Variants in MPRIP observed in about 807,000 individuals in gnomAD.
MPRIP encodes the protein myosin phosphatase Rho-interacting protein.
Under a neutral mutation model 234.9 loss-of-function variants are expected in MPRIP, and 59 were observed. The ratio of observed to expected loss-of-function variants is 0.25; its 90% CI spans 0.20 to 0.31. The LOEUF is 0.31. Ranked by LOEUF, MPRIP falls within the 10% of genes least tolerant of loss-of-function variation. MPRIP has a pLI of 1.00. For synonymous variants in MPRIP, 1,144 were observed against 1,263.9 expected (o/e 0.91, Z 2.01); for missense variants, 2,436 against 3,071.0 (o/e 0.79, Z 4.89).
intron 21 of MPRIP, 136 bp from the exon 22 acceptor site, chr17:17,177,114 G>A: frequency 1.2e-6 from 1 of 855,118 alleles, no homozygotes; most frequent in Middle Eastern, 2.4e-4. Context: ...GCCTCTAGAA[G>A]ACAGAGGTGA....
chr17:17,136,656 T>G (rs1597867382), intron 6 of MPRIP, among the ~76,000 whole-genome samples: 1 of 152,360 alleles, frequency 6.6e-6, no homozygotes, highest in South Asian at 2.1e-4. Flanking sequence ...CTTCTAGCTC[T>G]TAAATCCCAT....
chr17:17,117,821 G>A (rs766321571), intron 3 of MPRIP, among the ~76,000 whole-genome samples: 4 of 152,156 alleles, frequency 2.6e-5, no homozygotes, highest in Non-Finnish European at 5.9e-5. Flanking sequence ...CAATCAAAAC[G>A]AGGCCTATAT....
At chr17:17,107,234 A>T (rs2090080694) in intron 3 of MPRIP, among the ~76,000 whole-genome samples, 1 of 152,186 alleles carries the variant, frequency 6.6e-6, no homozygotes, top group South Asian at 2.1e-4. Flanking sequence ...AGTTCTGAGA[A>T]CACCAGAGAG....
At chr17:17,150,070 T>G in intron 11 of MPRIP, 74 bp from the exon 12 acceptor site, 1 of 1,073,066 alleles carries the variant, frequency 9.3e-7, no homozygotes, top group Non-Finnish European at 1.4e-6. Context: ...AGAAAATCAC[T>G]TACGGAAATT....
chr17:17,090,232 G>C (rs2089683036), intron 3 of MPRIP, among the ~76,000 whole-genome samples: 1 of 152,210 alleles, frequency 6.6e-6, no homozygotes, highest in Non-Finnish European at 1.5e-5. Flanking sequence ...AGGCTCTGAA[G>C]GACTGTGCAG....
chr17:17,048,151 G>T (rs1283699315), intron 1 of MPRIP, among the ~76,000 whole-genome samples: 1 of 152,044 alleles, frequency 6.6e-6, no homozygotes, highest in African/African-American at 2.4e-5. Flanking sequence ...CTGTTTTTTT[G>T]TGGGACCTTG....
intron 4 of MPRIP, 40 bp downstream of exon 4, chr17:17,126,893 G>C: frequency 6.3e-7 from 1 of 1,597,568 alleles, no homozygotes; most frequent in Non-Finnish European, 8.5e-7. Context: ...ACCACCACCT[G>C]CCACAGGGCC....
At chr17:17,152,906 AC>A (rs1488556637) in intron 12 of MPRIP, among the ~76,000 whole-genome samples, 2 of 152,220 alleles carry the variant, frequency 1.3e-5, no homozygotes, top group East Asian at 3.9e-4. Context: ...AGAAGAGCTG[AC>A]TTCACAGAAG....
intron 3 of MPRIP, among the ~76,000 whole-genome samples, chr17:17,107,569 C>T (rs1404194558): frequency 6.6e-6 from 1 of 152,192 alleles, no homozygotes; most frequent in African/African-American, 2.4e-5. Context: ...GTTCAGTGTC[C>T]TGGGGCGCAA....
In MPRIP at chr17:17,138,492, A is replaced by G; in HGVS notation, c.1250+63A>G. 1 of 169,846 alleles carries G rather than the reference A, an allele frequency of 5.9e-6. No individual in the cohort carries two copies. 10.5% of individuals were successfully genotyped at this position (169,846 alleles called of 1,614,324 possible). A position where few individuals can be genotyped will look rare whatever the true frequency, so the allele number is the denominator to read the frequency against. On this transcript the variant is annotated intron_variant, in intron 7 of 23. Coordinates refer to ENST00000651222, the MANE Select transcript of MPRIP (RefSeq NM_001364716.4). The surrounding 1 kb of genome is among the most constrained non-coding windows in gnomAD (Gnocchi z 5.8). ...CACACATGCACTTCCACCCACGCAC[A>G]TACACTCATACTCTCTGTTTCTCTC...
At position 17,134,368 on chromosome 17, in the gene MPRIP, T is replaced by C. The variant is rs576320564; in HGVS notation, c.505-1851T>C. On this transcript the variant is annotated intron_variant, in intron 5 of 23. Transcript: ENST00000651222. ...TCCCAGGGCAGCACAGCTGCTGGTT[T>C]CCCATGGGTAAGCAGCCCAGGATGC... is the stretch of plus-strand genomic sequence containing the variant. Among the ~76,000 whole-genome samples the C allele has an allele frequency of 5.9e-5, 9 of 152,266 alleles. No individual in the cohort carries two copies. In the East Asian group the frequency reaches 7.7e-4, roughly 13 times the overall value.
Position 17,147,379 on chromosome 17 carries a change from G to A in MPRIP, c.1621G>A (p.Ala541Thr). 1 of 1,614,188 alleles carries A rather than the reference G, an allele frequency of 6.2e-7. No homozygotes were observed. The highest frequency in any genetic ancestry group is 8.5e-7 in the Non-Finnish European group (1 of 1,180,012). The stretch of plus-strand genomic sequence containing the variant: ...CCTGAGATACTACAGGGATTCAGTG[G>A]CTGAGGAGGTGAGTGTCTGGGCTTT... ...QSLRYYRDSV[A>T]EEAADLDGEI... Residue 541 changes from alanine to threonine, a missense_variant, in exon 11 of 24, where the codon GCT becomes ACT. Physicochemically the swap from Ala to Thr is moderately conservative, Grantham distance 58. This residue lies in a region of MPRIP where 1,998 missense variants were observed against 2,520.3 expected (regional missense o/e 0.79). Transcript: ENST00000651222.
intron 1 of MPRIP, among the ~76,000 whole-genome samples, chr17:17,072,954 C>T (rs2089234329): frequency 6.6e-6 from 1 of 152,124 alleles, no homozygotes; most frequent in African/African-American, 2.4e-5. Flanking sequence ...ATTCACACGT[C>T]ATACGTTTAA....
chr17:17,192,449 G>A lies in MPRIP; in HGVS notation c.*7555G>A, dbSNP rs796209514. 3.5e-4 allele frequency: 40 copies of A among 114,286 alleles called. No individual in the cohort carries two copies. The highest frequency in any genetic ancestry group is 1.3e-3 in the African/African-American group (38 of 29,344). The allele number at this position is 114,286 out of a possible 1,614,324, so 7.1% of individuals were successfully genotyped here. On this transcript the variant is annotated 3_prime_UTR_variant, in exon 24 of 24. Transcript: ENST00000651222. ...TTTTGGGGGGGGGGGGGGGAGGGGC[G>A]TCTTGAGGCTTTTTTTTTTTTTACA...
At position 17,189,431 on chromosome 17, in the gene MPRIP, C is replaced by T. The variant is rs578029650; in HGVS notation, c.*4537C>T. On this transcript the variant is annotated 3_prime_UTR_variant, in exon 24 of 24. Coordinates refer to ENST00000651222, the MANE Select transcript of MPRIP (RefSeq NM_001364716.4). Reference sequence around the variant, plus strand: ...GTCTCGATTTCCTGACCTCGTGATCCGCCTGTCTCGGCCTCCCAAAGTGCT... The same window carrying T: ...GTCTCGATTTCCTGACCTCGTGATCTGCCTGTCTCGGCCTCCCAAAGTGCT... 1 of 151,788 alleles carries T rather than the reference C, an allele frequency of 6.6e-6. No individual in the cohort carries two copies. Among genetic ancestry groups the T allele is most frequent in the Non-Finnish European group, 1.5e-5 (1 of 67,936 alleles). The allele number at this position is 151,788 out of a possible 1,614,324, so 9.4% of individuals were successfully genotyped here. A position where few individuals can be genotyped will look rare whatever the true frequency, so the allele number is the denominator to read the frequency against.
intron 1 of MPRIP, among the ~76,000 whole-genome samples, chr17:17,064,183 T>G (rs1269058698): frequency 1.3e-5 from 2 of 150,902 alleles, no homozygotes; most frequent in African/African-American, 4.9e-5. Flanking sequence ...GGCTGAGTTT[T>G]GTTTTTCGGT....
rs1441082897 is a variant in MPRIP, at chr17:17,185,679, G to A, written c.*785G>A. ...TTGTTGACCTGCAGCCCAGGTTTCAGACTCTGATTGCAAAAAACAAATGAA... is the reference window on the plus strand; with the variant it reads ...TTGTTGACCTGCAGCCCAGGTTTCAAACTCTGATTGCAAAAAACAAATGAA... On this transcript the variant is annotated 3_prime_UTR_variant, in exon 24 of 24. Transcript: ENST00000651222. 2.7e-6 allele frequency: 1 copy of A among 377,104 alleles called. No individual in the cohort carries two copies. The highest frequency in any genetic ancestry group is 5.3e-6 in the Non-Finnish European group (1 of 188,700). The allele number at this position is 377,104 out of a possible 1,614,324, so 23.4% of individuals were successfully genotyped here.
At chr17:17,081,811 ATT>A (rs2144082113) in intron 3 of MPRIP, among the ~76,000 whole-genome samples, 1 of 152,226 alleles carries the variant, frequency 6.6e-6, no homozygotes, top group East Asian at 1.9e-4. Flanking sequence ...TTTTTGGGAA[ATT>A]TCTTTCTCGA....
intron 3 of MPRIP, among the ~76,000 whole-genome samples, chr17:17,124,585 C>T (rs1212868941): frequency 2.6e-5 from 4 of 152,186 alleles, no homozygotes; most frequent in African/African-American, 9.7e-5. Context: ...GTGGTTCCTT[C>T]AGGATGGCTT....
Sources: allele counts gnomAD v4.1 joint callset (sites outside exome capture counted in the v4.1 genomes callset), GRCh38; gene constraint gnomAD v4.1.1; regional missense constraint gnomAD v4.1.1; non-coding constraint Gnocchi (gnomAD v3.1); transcripts MANE v1.5; gene names NCBI Gene and HGNC (gene_info 2026-07-23, HGNC 2026-07-21).